CEP112: variants seen among roughly 807,000 people sequenced by gnomAD.
CEP112 encodes centrosomal protein 112.
A neutral mutation model predicts 153.0 loss-of-function variants in CEP112; 127 were observed. The observed-to-expected ratio is 0.83, with a 90% confidence interval of 0.72 to 0.96. CEP112 has a LOEUF of 0.96. Ranked by LOEUF, CEP112 falls within the 40% of genes least tolerant of loss-of-function variation. The probability of loss-of-function intolerance (pLI) is 0.00; values close to 1 mark genes in which losing one functional copy is unlikely to be tolerated. For synonymous variants in CEP112, 358 were observed against 374.4 expected (o/e 0.96, Z 0.51); for missense variants, 1,089 against 1,101.2 (o/e 0.99, Z 0.16).
At position 65,650,287 on chromosome 17, in the gene CEP112, G is replaced by C. The variant is rs916485142; in HGVS notation, c.2698-9222C>G. On this transcript the variant is annotated intron_variant, in intron 24 of 26. Transcript: ENST00000535342. ...CACCCAGGGGGAGGGAGCTTGGCCA[G>C]ACCTTCATGATGAGGCTGTGTTGGG... Among the ~76,000 whole-genome samples, 3 of 152,268 alleles carry C rather than the reference G, an allele frequency of 2.0e-5. No homozygotes were observed. In the East Asian group the frequency reaches 5.8e-4, roughly 29 times the overall value.
At chr17:65,979,697 A>G (rs1229732521) in intron 17 of CEP112, among the ~76,000 whole-genome samples, 1 of 152,194 alleles carries the variant, frequency 6.6e-6, no homozygotes, top group African/African-American at 2.4e-5. Flanking sequence ...AACTTAAAAC[A>G]TAACGATTCC....
At chr17:65,920,359 C>CAAACAAA (rs1178505560) in intron 19 of CEP112, among the ~76,000 whole-genome samples, 2 of 29,830 alleles carry the variant, frequency 6.7e-5, no homozygotes, top group African/African-American at 2.6e-4. Flanking sequence ...AACAAACAAA[C>CAAACAAA]AAAATATATA....
In CEP112 at chr17:65,642,016, T is replaced by C. The variant is rs574522603; in HGVS notation, c.2698-951A>G. Among the ~76,000 whole-genome samples the C allele has an allele frequency of 6.6e-5, 10 of 152,280 alleles. No individual in the cohort carries two copies. In the South Asian group the frequency reaches 2.1e-3, roughly 32 times the overall value. On this transcript the variant is annotated intron_variant, in intron 24 of 26. Coordinates refer to ENST00000535342, the MANE Select transcript of CEP112 (RefSeq NM_001199165.4). ...AAAAATAGGTTGGTGGCTCATCCCA[T>C]TCATCTCTCTCAAGGCTAAAGGAGT...
intron 22 of CEP112, among the ~76,000 whole-genome samples, chr17:65,750,235 A>C (rs2051738935): frequency 6.6e-6 from 1 of 152,236 alleles, no homozygotes; most frequent in Non-Finnish European, 1.5e-5. Context: ...ATTATTTGTC[A>C]TTTTGAATTT....
intron 16 of CEP112, among the ~76,000 whole-genome samples, chr17:66,017,001 A>G (rs1296524360): frequency 1.3e-5 from 2 of 152,194 alleles, no homozygotes; most frequent in East Asian, 1.9e-4. Flanking sequence ...AAGAATTGTG[A>G]TAAGTTAATA....
intron 4 of CEP112, among the ~76,000 whole-genome samples, chr17:66,162,560 A>C (rs951691822): frequency 4.6e-5 from 7 of 152,230 alleles, no homozygotes; most frequent in Admixed American, 1.3e-4. Flanking sequence ...ATGGATATAT[A>C]AATTGTGATA....
intron 23 of CEP112, among the ~76,000 whole-genome samples, chr17:65,690,131 A>C (rs1347076579): frequency 6.6e-6 from 1 of 150,886 alleles, no homozygotes; most frequent in Non-Finnish European, 1.5e-5. Context: ...AAAAAAAAAA[A>C]AAAAAAACTC....
rs1568318330 is a variant in CEP112, at chr17:65,971,204, CGT to C, written c.1737-9608_1737-9607del. On this transcript the variant is annotated intron_variant, in intron 17 of 26. Coordinates refer to ENST00000535342, the MANE Select transcript of CEP112 (RefSeq NM_001199165.4). ...TACAGCACATGCATATCACATTGCA[CGT>C]ATGTATATCACATGTATATTACATA... Among the ~76,000 whole-genome samples, 66 of 152,114 alleles carry C rather than the reference CGT, an allele frequency of 4.3e-4. 1 individual carries two copies. Among genetic ancestry groups the C allele is most frequent in the Admixed American group, 2.9e-3 (45 of 15,276 alleles).
intron 8 of CEP112, among the ~76,000 whole-genome samples, chr17:66,078,596 T>C (rs935819968): frequency 7.9e-5 from 12 of 152,196 alleles, no homozygotes; most frequent in African/African-American, 2.9e-4. Flanking sequence ...GCCATTTACA[T>C]GCAATGTTAG....
At chr17:65,978,830 T>C (rs541722981) in intron 17 of CEP112, among the ~76,000 whole-genome samples, 1 of 152,374 alleles carries the variant, frequency 6.6e-6, no homozygotes, top group Non-Finnish European at 1.5e-5. Context: ...AAAATGTCTC[T>C]GTCAGTAGAG....
intron 11 of CEP112, among the ~76,000 whole-genome samples, chr17:66,059,114 A>G (rs1343741225): frequency 6.6e-6 from 1 of 152,156 alleles, no homozygotes; most frequent in Non-Finnish European, 1.5e-5. Context: ...TATGCAGAAG[A>G]ATGAAACTGG....
intron 25 of CEP112, among the ~76,000 whole-genome samples, chr17:65,639,860 G>A (rs1340628523): frequency 5.4e-5 from 6 of 110,368 alleles, no homozygotes; most frequent in Admixed American, 1.3e-4. Flanking sequence ...TTTTTGAGAC[G>A]GAGTCTTCCT....
At chr17:65,661,038 G>C (rs776809901) in intron 24 of CEP112, among the ~76,000 whole-genome samples, 5 of 152,100 alleles carry the variant, frequency 3.3e-5, no homozygotes, top group Non-Finnish European at 7.4e-5. Context: ...CCTTTGCATG[G>C]ATCATCTAAG....
At chr17:65,932,978 G>T (rs1298219479) in intron 18 of CEP112, among the ~76,000 whole-genome samples, 1 of 152,150 alleles carries the variant, frequency 6.6e-6, no homozygotes, top group Non-Finnish European at 1.5e-5. Flanking sequence ...GAATTAGTTT[G>T]ACAAAGGAAC....
At chr17:65,815,416 A>G (rs1375068629) in intron 21 of CEP112, among the ~76,000 whole-genome samples, 1 of 152,060 alleles carries the variant, frequency 6.6e-6, no homozygotes, top group African/African-American at 2.4e-5. Context: ...CATTCTCTTG[A>G]TTACTATAGC....
At chr17:66,003,052 G>C (rs1235158784) in intron 17 of CEP112, among the ~76,000 whole-genome samples, 1 of 152,166 alleles carries the variant, frequency 6.6e-6, no homozygotes, top group Non-Finnish European at 1.5e-5. Context: ...AACTTGTGCT[G>C]TTTACTTTGA....
At chr17:65,683,431 G>C (rs932947347) in intron 24 of CEP112, among the ~76,000 whole-genome samples, 1 of 152,200 alleles carries the variant, frequency 6.6e-6, no homozygotes, top group African/African-American at 2.4e-5. Flanking sequence ...ATACTGAGCA[G>C]AAAACCAAAG....
At chr17:66,103,710 G>A (rs1315027629) in intron 6 of CEP112, among the ~76,000 whole-genome samples, 1 of 152,156 alleles carries the variant, frequency 6.6e-6, no homozygotes, top group African/African-American at 2.4e-5. Context: ...AGCATATTAA[G>A]GAATGAGATG....
intron 8 of CEP112, among the ~76,000 whole-genome samples, chr17:66,089,880 G>A (rs2068071712): frequency 6.6e-6 from 1 of 152,136 alleles, no homozygotes; most frequent in African/African-American, 2.4e-5. Flanking sequence ...ACCAAGCCAT[G>A]TTATAATCAA....
Sources: gnomAD v4.1 joint callset for allele counts (sites outside exome capture counted in the v4.1 genomes callset) on GRCh38, gnomAD v4.1.1 for gene constraint, MANE v1.5 for transcripts, NCBI Gene and HGNC (gene_info 2026-07-23, HGNC 2026-07-21) for gene names.